URB1: variants seen among roughly 807,000 people sequenced by gnomAD.
URB1 encodes nucleolar pre-ribosomal-associated protein 1.
Under a neutral mutation model 242.3 loss-of-function variants are expected in URB1, and 197 were observed. The ratio of observed to expected loss-of-function variants is 0.81; its 90% CI spans 0.72 to 0.91. URB1 has a LOEUF of 0.91. Among genes scored for constraint, URB1 ranks in the 40% least tolerant of loss-of-function variants. The probability of loss-of-function intolerance (pLI) is 0.00; values close to 1 mark genes in which losing one functional copy is unlikely to be tolerated. For synonymous variants in URB1, 1,153 were observed against 1,201.8 expected, an observed-to-expected ratio of 0.96 and a Z score of 0.84; for missense variants, 2,721 against 2,860.5, an observed-to-expected ratio of 0.95 and a Z score of 1.11.
At chr21:32,364,700 T>G (rs1367823392) in intron 10 of URB1, among the ~76,000 whole-genome samples, 5 of 152,258 alleles carry the variant, frequency 3.3e-5, no homozygotes, top group Admixed American at 2.6e-4. Context: ...AAACGCTTTC[T>G]TATTTCCTGT....
chr21:32,341,434 C>T (rs1264243699), intron 25 of URB1, 32 bp downstream of exon 25: 57 of 1,549,294 alleles, frequency 3.7e-5, no homozygotes, highest in Middle Eastern at 1.7e-4. Context: ...ACACCTTTAC[C>T]GAAGGGCACC....
chr21:32,318,390 G>T (rs1018900381), intron 36 of URB1, among the ~76,000 whole-genome samples: 5 of 152,200 alleles, frequency 3.3e-5, no homozygotes, highest in African/African-American at 1.2e-4. Context: ...GTTAAAGCCT[G>T]TAACATCAGT....
Position 32,366,706 on chromosome 21 carries a change from A to G in URB1, c.1247T>C (p.Phe416Ser). The change falls in exon 10 of 39, where the codon TTT (phenylalanine) becomes TCT (serine). Residue 416 changes from phenylalanine (F) to serine (S), a missense_variant. Phe to Ser is a radical substitution (Grantham distance 155, BLOSUM62 -2). Transcript: ENST00000382751. ...TGCCAGGAGCCGAGGCAAGGGTATA[A>G]ACTCTCTGGTCTGAAATGCCCGGGA... The part of the protein sequence containing the change: ...EISRAFQTRE[F>S]IPLPRLLAMV... 5 of 1,551,522 alleles carry G rather than the reference A, an allele frequency of 3.2e-6. No individual in the cohort carries two copies. Among genetic ancestry groups the G allele is most frequent in the Non-Finnish European group, 4.4e-6 (5 of 1,146,858 alleles).
In URB1 at chr21:32,385,533, G is replaced by T; in HGVS notation, c.282+12C>A. 1 of 1,551,214 alleles carries T rather than the reference G, an allele frequency of 6.4e-7. No individual in the cohort carries two copies. The highest frequency in any genetic ancestry group is 8.7e-7 in the Non-Finnish European group (1 of 1,146,744). On this transcript the variant is annotated intron_variant, in intron 2 of 38. Transcript: ENST00000382751. ...TTCTTCTCTTCATCAAGCCATGTAA[G>T]GAACAACTTACTTCACTTTCAGGTC...
chr21:32,332,650 T>C (rs2032910497), intron 30 of URB1, among the ~76,000 whole-genome samples: 1 of 137,296 alleles, frequency 7.3e-6, no homozygotes, highest in Non-Finnish European at 1.6e-5. Flanking sequence ...GCAAAAGACA[T>C]GAACAGACAT....
chr21:32,358,682 C>T (rs1436350337), intron 14 of URB1, among the ~76,000 whole-genome samples: 2 of 152,148 alleles, frequency 1.3e-5, no homozygotes, highest in South Asian at 2.1e-4. Flanking sequence ...GGCCTCTGTT[C>T]ACTTTCCAAC....
intron 1 of URB1, 31 bp downstream of exon 1, chr21:32,392,738 C>T (rs2033653619): frequency 2.1e-6 from 3 of 1,406,748 alleles, no homozygotes; most frequent in Non-Finnish European, 2.8e-6. Flanking sequence ...AGCCTGTGCT[C>T]CCGACCCTGC....
At chr21:32,339,330 A>C (rs1239369820) in intron 25 of URB1, among the ~76,000 whole-genome samples, 5 of 151,948 alleles carry the variant, frequency 3.3e-5, no homozygotes, top group Non-Finnish European at 7.4e-5. Flanking sequence ...TGTTCAAACA[A>C]CACCAAGTTG....
intron 5 of URB1, chr21:32,377,149 C>T: frequency 1.9e-6 from 1 of 515,416 alleles, no homozygotes; most frequent in South Asian, 1.4e-5. Flanking sequence ...ATTGCAGGAT[C>T]AAGTATCTTA....
In URB1 at chr21:32,334,167, G is replaced by T. The variant is rs1482878669; in HGVS notation, c.4853C>A (p.Pro1618His). Residue 1618 changes from proline (P) to histidine (H), a missense_variant, in exon 29 of 39, where the codon CCC (proline) becomes CAC (histidine). Physicochemically the swap from Pro to His is moderately conservative, Grantham distance 77 (BLOSUM62 -2). Coordinates refer to ENST00000382751, the MANE Select transcript of URB1 (RefSeq NM_014825.3). Reference sequence around the variant, plus strand: ...ACAGAACAGCAGCAGCCCAACCTCGGGGGGCAGCAGCCTCCGGTTCTGGGG... The same window carrying T: ...ACAGAACAGCAGCAGCCCAACCTCGTGGGGCAGCAGCCTCCGGTTCTGGGG... ...HFPQNRRLLP[P>H]EDTQELIFKD... The T allele has an allele frequency of 2.1e-5, 33 of 1,544,308 alleles. No homozygotes were observed. In the Admixed American group the frequency reaches 6.1e-4, roughly 29 times the overall value.
Position 32,353,036 on chromosome 21 carries a change from A to G in URB1, c.2417-130T>C. The G allele has an allele frequency of 3.3e-6, 3 of 920,050 alleles. No individual in the cohort carries two copies. The South Asian group carries it at 5.3e-5, about 16-fold the overall frequency. 57.0% of individuals were successfully genotyped at this position (920,050 alleles called of 1,614,324 possible). A position where few individuals can be genotyped will look rare whatever the true frequency, so the allele number is the denominator to read the frequency against. On this transcript the variant is annotated intron_variant, in intron 18 of 38. Coordinates refer to ENST00000382751, the MANE Select transcript of URB1 (RefSeq NM_014825.3). ...CATGCAACTCCATGAGGGGACACAT[A>G]ACCACAGGGAAGGAATTGCTACTAC...
At chr21:32,324,973 T>G (rs1055855581) in intron 31 of URB1, among the ~76,000 whole-genome samples, 1 of 152,198 alleles carries the variant, frequency 6.6e-6, no homozygotes, top group Non-Finnish European at 1.5e-5. Context: ...AGAAGTCATA[T>G]AATTTTGTCT....
At chr21:32,356,356 C>A (rs1218969337) in intron 15 of URB1, among the ~76,000 whole-genome samples, 2 of 152,122 alleles carry the variant, frequency 1.3e-5, no homozygotes, top group African/African-American at 4.8e-5. Context: ...TGTAGCAGTG[C>A]ACAGCAGCGT....
intron 19 of URB1, among the ~76,000 whole-genome samples, chr21:32,351,928 A>G (rs975722871): frequency 1.3e-5 from 2 of 152,178 alleles, no homozygotes; most frequent in Admixed American, 6.5e-5. Flanking sequence ...CGGTTTCCCC[A>G]TATGCATAAA....
In URB1 at chr21:32,392,813, A is replaced by T. The variant is rs776578939; in HGVS notation, c.98T>A (p.Val33Glu). Residue 33 changes from valine (V) to glutamate (E), a missense_variant, in exon 1 of 39, where the codon GTG becomes GAG. Physicochemically the swap from Val to Glu is moderately radical, Grantham distance 121. Transcript: ENST00000382751. ...KRARKEELTG[V>E]RFKAQLKDPQ... ...GTCCTTCAGCTGAGCCTTGAACCGC[A>T]CGCCCGTGAGCTCTTCTTTGCGGGC... 3.3e-6 allele frequency: 5 copies of T among 1,530,156 alleles called. No individual in the cohort carries two copies. 94.8% of individuals were successfully genotyped at this position (1,530,156 alleles called of 1,614,324 possible).
At chr21:32,374,966 G>C (rs1268343487) in intron 6 of URB1, among the ~76,000 whole-genome samples, 1 of 152,192 alleles carries the variant, frequency 6.6e-6, no homozygotes, top group East Asian at 1.9e-4. Flanking sequence ...AAGTGTTTCT[G>C]TATTAAAGGC....
In URB1 at chr21:32,375,872, A is replaced by AC. The variant is rs1344336610; in HGVS notation, c.665-390dup. Among the ~76,000 whole-genome samples, 171 of 152,230 alleles carry AC rather than the reference A, an allele frequency of 1.1e-3. 1 individual carries two copies. Among genetic ancestry groups the AC allele is most frequent in the Non-Finnish European group, 2.1e-4 (14 of 68,012 alleles). Reference sequence around the variant, plus strand: ...CCTAAGAGGCTGAGGTGGCAGGATCACCAGTACCCAGGAGTTTGAGGTTGC... The same window carrying AC: ...CCTAAGAGGCTGAGGTGGCAGGATCACCCAGTACCCAGGAGTTTGAGGTTGC... On this transcript the variant is annotated intron_variant, in intron 5 of 38. Transcript: ENST00000382751.
chr21:32,366,872 C>T (rs1189663824), intron 9 of URB1, 117 bp from the exon 10 acceptor site: 20 of 1,113,684 alleles, frequency 1.8e-5, no homozygotes, highest in Non-Finnish European at 2.4e-5. Context: ...GGTAAAGGTC[C>T]GAGACTCCCC....
Position 32,367,219 on chromosome 21 carries a change from G to C in URB1, c.1198-464C>G, listed in dbSNP as rs188122308. Among the ~76,000 whole-genome samples, 218 of 152,250 alleles carry C rather than the reference G, an allele frequency of 1.4e-3. 2 individuals are homozygous for C. Among genetic ancestry groups the C allele is most frequent in the African/African-American group, 4.7e-3 (197 of 41,536 alleles). ...GATGACAAAATTGGACCTCAGTGAGGTTAGGTAATTTCCTTAAGGCCACAT... is the reference window on the plus strand; with the variant it reads ...GATGACAAAATTGGACCTCAGTGAGCTTAGGTAATTTCCTTAAGGCCACAT... On this transcript the variant is annotated intron_variant, in intron 9 of 38. Coordinates refer to ENST00000382751, the MANE Select transcript of URB1 (RefSeq NM_014825.3).
Sources: allele counts gnomAD v4.1 joint callset (sites outside exome capture counted in the v4.1 genomes callset), GRCh38; gene constraint gnomAD v4.1.1; transcripts MANE v1.5; gene names NCBI Gene and HGNC (gene_info 2026-07-23, HGNC 2026-07-21).